Variants in NPM3 observed in about 807,000 individuals in gnomAD.
NPM3 encodes the protein nucleophosmin/nucleoplasmin 3, also known as nucleoplasmin-3.
Under a neutral mutation model 18.1 loss-of-function variants are expected in NPM3, and 12 were observed. That is an observed-to-expected ratio of 0.66 (90% CI 0.42 to 1.07). NPM3 has a LOEUF of 1.07. Ranked by LOEUF, NPM3 falls within the 50% of genes least tolerant of loss-of-function variation. NPM3 has a pLI of 0.00. For synonymous variants in NPM3, 116 were observed against 93.7 expected (o/e 1.24, Z -1.38); for missense variants, 274 against 232.1 (o/e 1.18, Z -1.17).
rs561586403 is a variant in NPM3, at chr10:101,782,433, T to TCAC, written c.324+42_324+44dup. The TCAC allele has an allele frequency of 3.7e-4, 598 of 1,600,118 alleles. 3 individuals are homozygous for TCAC. Among genetic ancestry groups the TCAC allele is most frequent in the South Asian group, 1.8e-3 (160 of 89,668 alleles). ...ATGAGTGCTAACGTCCTCAATCCCCTCACCACCACCACCACCACCACCAAG... is the reference window on the plus strand; with the variant it reads ...ATGAGTGCTAACGTCCTCAATCCCCTCACCACCACCACCACCACCACCACCAAG... On this transcript the variant is annotated intron_variant, in intron 3 of 5. Coordinates refer to ENST00000370110, the Ensembl canonical transcript of NPM3.
intron 2 of NPM3, 65 bp downstream of exon 2, chr10:101,782,774 T>C: frequency 6.3e-7 from 1 of 1,586,112 alleles, no homozygotes; most frequent in Non-Finnish European, 8.6e-7. Flanking sequence ...GATCCGGAGG[T>C]TGGGTAGAGA....
chr10:101,781,889 T>C (rs1368917795), intron 4 of NPM3, 35 bp from the exon 5 acceptor site: 1 of 1,614,108 alleles, frequency 6.2e-7, no homozygotes, highest in South Asian at 1.1e-5. Flanking sequence ...GGATGGGGTG[T>C]TAAGACCAGA....
At chr10:101,781,672 C>G (rs986126856) in intron 5 of NPM3, 40 bp from the exon 6 acceptor site, 2 of 1,585,692 alleles carry the variant, frequency 1.3e-6, no homozygotes, top group Non-Finnish European at 1.7e-6. Context: ...TAGGCCCTCA[C>G]CTGCTTCTCC....
rs986126856 is a variant in NPM3 at position 101,781,672 on chromosome 10, C to T, written c.*10-40G>A. 9 of 1,585,692 alleles carry T rather than the reference C, an allele frequency of 5.7e-6. No individual in the cohort carries two copies. In the African/African-American group the frequency reaches 1.2e-4, roughly 22 times the overall value. On this transcript the variant is annotated intron_variant, in intron 5 of 5. Transcript: ENST00000370110. ...CAAGGAATCAGCATTTAGGCCCTCA[C>T]CTGCTTCTCCTGCCCCTTCCCAGAG...
chr10:101,782,104 G>A (rs2592836), intron 4 of NPM3, among the ~76,000 whole-genome samples, 154 bp downstream of exon 4: 1 of 152,168 alleles, frequency 6.6e-6, no homozygotes, highest in Non-Finnish European at 1.5e-5. Context: ...AAAGGAGAGG[G>A]CATGTCATGC....
chr10:101,782,299 G>A (rs771883465), exon 4 of NPM3: 12 of 1,614,014 alleles, frequency 7.4e-6, no homozygotes, highest in South Asian at 2.2e-5. Flanking sequence ...GCCAGAGCCC[G>A]ACTTCAGGCG....
chr10:101,781,913 C>A, intron 4 of NPM3, 59 bp from the exon 5 acceptor site: 1 of 1,613,832 alleles, frequency 6.2e-7, no homozygotes, highest in Non-Finnish European at 8.5e-7. Context: ...TTTCACACCG[C>A]ATGCCATTTC....
exon 6 of NPM3, chr10:101,781,607 G>T: frequency 1.1e-6 from 1 of 921,070 alleles, no homozygotes; most frequent in East Asian, 2.8e-5. Flanking sequence ...CAGGGTGCAT[G>T]GCGGTGCATG....
At position 101,782,617 on chromosome 10, in the gene NPM3, C is replaced by T; in HGVS notation, c.205-20G>A. 1 of 1,613,124 alleles carries T rather than the reference C, an allele frequency of 6.2e-7. No homozygotes were observed. Among genetic ancestry groups the T allele is most frequent in the African/African-American group, 1.3e-5 (1 of 75,024 alleles). On this transcript the variant is annotated intron_variant, in intron 2 of 5. Coordinates refer to ENST00000370110, the Ensembl canonical transcript of NPM3. ...GCAGAGCTGGGAACGGTACACAGGG[C>T]CTCAGGGTCTCCTCAAGTGAGGGTT...
intron 4 of NPM3, 115 bp from the exon 5 acceptor site, chr10:101,781,969 C>T: frequency 1.3e-6 from 2 of 1,549,444 alleles, no homozygotes; most frequent in East Asian, 2.2e-5. Flanking sequence ...CCTCCCAGTG[C>T]TTATGGGCTA....
intron 4 of NPM3, 134 bp from the exon 5 acceptor site, chr10:101,781,988 G>A (rs2065144715): frequency 6.8e-7 from 1 of 1,470,790 alleles, no homozygotes; most frequent in Admixed American, 1.9e-5. Flanking sequence ...TAGGTGGGAA[G>A]AACCTCAGAC....
intron 5 of NPM3, 33 bp from the exon 6 acceptor site, chr10:101,781,665 G>T: frequency 6.4e-7 from 1 of 1,557,520 alleles, no homozygotes; most frequent in Non-Finnish European, 8.8e-7. Context: ...CAGCATTTAG[G>T]CCCTCACCTG....
chr10:101,781,802 G>C, exon 5 of NPM3: 1 of 1,614,122 alleles, frequency 6.2e-7, no homozygotes, highest in Non-Finnish European at 8.5e-7. Flanking sequence ...CCTCATCACT[G>C]TCCTCTTCCT....
chr10:101,782,417 A>G (rs1192541146), intron 3 of NPM3, 61 bp downstream of exon 3: 2 of 1,601,146 alleles, frequency 1.2e-6, no homozygotes, highest in African/African-American at 1.3e-5. Flanking sequence ...AATGAGTGCT[A>G]ACGTCCTCAA....
intron 5 of NPM3, 46 bp downstream of exon 5, chr10:101,781,681 C>T (rs1564635309): frequency 1.9e-6 from 3 of 1,601,010 alleles, no homozygotes; most frequent in Non-Finnish European, 8.5e-7. Flanking sequence ...ACCTGCTTCT[C>T]CTGCCCCTTC....
At chr10:101,782,379 G>C (rs2065148350) in intron 3 of NPM3, 28 bp from the exon 4 acceptor site, 10 of 1,610,740 alleles carry the variant, frequency 6.2e-6, no homozygotes, top group Non-Finnish European at 8.5e-6. Flanking sequence ...ATGAAGGCCT[G>C]GCCCACTCCT....
chr10:101,782,950 C>G, intron 1 of NPM3, 26 bp from the exon 2 acceptor site: 1 of 1,609,478 alleles, frequency 6.2e-7, no homozygotes, highest in Non-Finnish European at 8.5e-7. Context: ...GTGAGTATGC[C>G]TGAGCGTGTG....
intron 4 of NPM3, 47 bp downstream of exon 4, chr10:101,782,211 G>A (rs1589817473): frequency 6.6e-7 from 1 of 1,514,810 alleles, no homozygotes; most frequent in African/African-American, 1.4e-5. Flanking sequence ...GAAGCCTGAT[G>A]GGAGAGTCCA....
chr10:101,783,100 G>A (rs530145293), intron 1 of NPM3, among the ~76,000 whole-genome samples, 173 bp downstream of exon 1: 1 of 152,280 alleles, frequency 6.6e-6, no homozygotes, highest in Admixed American at 6.5e-5. Flanking sequence ...CAACACATCT[G>A]GGGCAGGGAT....
Sources: allele counts gnomAD v4.1 joint callset (sites outside exome capture counted in the v4.1 genomes callset), GRCh38; gene constraint gnomAD v4.1.1; transcripts MANE v1.5; gene names NCBI Gene and HGNC (gene_info 2026-07-23, HGNC 2026-07-21).